HS6ST3: variants seen among roughly 807,000 people sequenced by gnomAD.
HS6ST3 encodes heparan sulfate 6-O-sulfotransferase 3.
Under a neutral mutation model 36.7 loss-of-function variants are expected in HS6ST3, and 12 were observed. The observed-to-expected ratio is 0.33, with a 90% CI of 0.21 to 0.53. The LOEUF is 0.53. HS6ST3 is among the 20% of genes least tolerant of loss of function. The pLI, the probability that HS6ST3 is intolerant of heterozygous loss-of-function variation, is 0.95. For synonymous variants in HS6ST3, 240 were observed against 257.5 expected (o/e 0.93, Z 0.65); for missense variants, 584 against 640.9 (o/e 0.91, Z 0.96).
chr13:96,790,624 A>G (rs1877764610), intron 1 of HS6ST3, among the ~76,000 whole-genome samples: 1 of 152,086 alleles, frequency 6.6e-6, no homozygotes, highest in African/African-American at 2.4e-5. Context: ...TCACACAAAT[A>G]TGATTTTCCA....
chr13:96,140,769 G>T (rs1291743471), intron 1 of HS6ST3, among the ~76,000 whole-genome samples: 1 of 152,052 alleles, frequency 6.6e-6, no homozygotes, highest in African/African-American at 2.4e-5. Context: ...GCTTTTATGT[G>T]GTGCAGGATT....
intron 1 of HS6ST3, among the ~76,000 whole-genome samples, chr13:96,152,333 T>TTGTTGTTG (rs1555388358): frequency 8.9e-5 from 7 of 78,456 alleles, no homozygotes; most frequent in South Asian, 1.1e-3. Context: ...TTTTTTTTTT[T>TTGTTGTTG]TTGTTGTTGT....
chr13:96,806,342 C>T (rs143508516), intron 1 of HS6ST3, among the ~76,000 whole-genome samples: 13 of 152,150 alleles, frequency 8.5e-5, no homozygotes, highest in African/African-American at 2.2e-4. Context: ...AAAGGGACAA[C>T]GGACCCAGCC....
intron 1 of HS6ST3, among the ~76,000 whole-genome samples, chr13:96,353,046 C>CT (rs1026366277): frequency 0.015 from 1,280 of 85,438 alleles, 91 homozygotes; most frequent in Middle Eastern, 0.022. Flanking sequence ...CTAGCGTATT[C>CT]TTTTTTTTTT....
At chr13:96,427,907 G>T (rs1336091767) in intron 1 of HS6ST3, among the ~76,000 whole-genome samples, 1 of 152,148 alleles carries the variant, frequency 6.6e-6, no homozygotes, top group Non-Finnish European at 1.5e-5. Context: ...CACAATTTGG[G>T]ATTATCTGAT....
At chr13:96,663,122 G>A (rs1036947335) in intron 1 of HS6ST3, among the ~76,000 whole-genome samples, 1 of 152,074 alleles carries the variant, frequency 6.6e-6, no homozygotes, top group South Asian at 2.1e-4. Context: ...CCCTGACAGG[G>A]GTGGCTGGGG....
At chr13:96,597,768 T>G (rs1460746150) in intron 1 of HS6ST3, among the ~76,000 whole-genome samples, 1 of 152,068 alleles carries the variant, frequency 6.6e-6, no homozygotes, top group Non-Finnish European at 1.5e-5. Flanking sequence ...CCAGAATATT[T>G]TTTCTTAAGT....
rs554065514 is a variant in HS6ST3, at chr13:96,290,189, G to A, written c.707+198620G>A. On this transcript the variant is annotated intron_variant, in intron 1 of 1. Coordinates refer to ENST00000376705, the MANE Select transcript of HS6ST3 (RefSeq NM_153456.4). Reference sequence around the variant, plus strand: ...TGCCAGTTCCCATGTTCCCCATTGCGACGTTTCATGTTAGTCTAGAAGTGG... The same window carrying A: ...TGCCAGTTCCCATGTTCCCCATTGCAACGTTTCATGTTAGTCTAGAAGTGG... Among the ~76,000 whole-genome samples, 4 of 152,144 alleles carry A rather than the reference G, an allele frequency of 2.6e-5. No individual in the cohort carries two copies. The South Asian group carries it at 8.3e-4, about 32-fold the overall frequency.
At chr13:96,383,852 G>T (rs2055354260) in intron 1 of HS6ST3, among the ~76,000 whole-genome samples, 2 of 152,198 alleles carry the variant, frequency 1.3e-5, no homozygotes, top group Non-Finnish European at 2.9e-5. Flanking sequence ...TCAGAGGTCA[G>T]GATGAGGCCC....
chr13:96,254,069 T>A (rs537338536), intron 1 of HS6ST3, among the ~76,000 whole-genome samples: 41 of 152,290 alleles, frequency 2.7e-4, no homozygotes, highest in African/African-American at 9.6e-4. Flanking sequence ...ATTTTCTGAA[T>A]GTGTATAGGT....
At chr13:96,342,259 A>G (rs116545917) in intron 1 of HS6ST3, among the ~76,000 whole-genome samples, 1,743 of 152,234 alleles carry the variant, frequency 0.011, 36 homozygotes, top group African/African-American at 0.04. Flanking sequence ...ACTCAATGTC[A>G]GTTTGTGTTT....
chr13:96,487,702 G>T (rs2055922350), intron 1 of HS6ST3, among the ~76,000 whole-genome samples: 1 of 152,018 alleles, frequency 6.6e-6, no homozygotes, highest in Non-Finnish European at 1.5e-5. Flanking sequence ...TATTTTACAG[G>T]TGTGATCAAT....
chr13:96,595,257 G>A (rs141960284), intron 1 of HS6ST3, among the ~76,000 whole-genome samples: 1 of 152,100 alleles, frequency 6.6e-6, no homozygotes, highest in African/African-American at 2.4e-5. Flanking sequence ...ATGTTGCCAA[G>A]GCTGGTCTCA....
chr13:96,528,621 T>A (rs925370140), intron 1 of HS6ST3, among the ~76,000 whole-genome samples: 1 of 152,202 alleles, frequency 6.6e-6, no homozygotes, highest in Admixed American at 6.5e-5. Flanking sequence ...TCATTTAAAG[T>A]TGACAATGTA....
chr13:96,314,325 C>G (rs927198928), intron 1 of HS6ST3, among the ~76,000 whole-genome samples: 5 of 152,196 alleles, frequency 3.3e-5, no homozygotes, highest in Non-Finnish European at 5.9e-5. Context: ...GACAAAGATA[C>G]TCACACACAT....
intron 1 of HS6ST3, among the ~76,000 whole-genome samples, chr13:96,144,462 A>C (rs1318681291): frequency 2.0e-5 from 3 of 152,086 alleles, no homozygotes; most frequent in East Asian, 1.9e-4. Context: ...CATCAGAATT[A>C]GGAGATAAAC....
At chr13:96,675,062 C>A (rs1348539866) in intron 1 of HS6ST3, among the ~76,000 whole-genome samples, 1 of 152,110 alleles carries the variant, frequency 6.6e-6, no homozygotes, top group Non-Finnish European at 1.5e-5. Context: ...TAAGTTCAGG[C>A]CTGCAAACCT....
In HS6ST3 at chr13:96,304,153, A is replaced by C. The variant is rs918819002; in HGVS notation, c.707+212584A>C. On this transcript the variant is annotated intron_variant, in intron 1 of 1. Transcript: ENST00000376705. ...GAGAGACTCCATCTCAAAAAAAAAAAAAATGTGATTTTTACCTTTCAAATA... is the reference window on the plus strand; with the variant it reads ...GAGAGACTCCATCTCAAAAAAAAAACAAATGTGATTTTTACCTTTCAAATA... Among the ~76,000 whole-genome samples, 175 of 151,934 alleles carry C rather than the reference A, an allele frequency of 1.2e-3. 4 individuals carry two copies. Among genetic ancestry groups the C allele is most frequent in the African/African-American group, 4.2e-3 (173 of 41,402 alleles).
Position 96,705,421 on chromosome 13 carries a change from A to C in HS6ST3, c.708-127069A>C, listed in dbSNP as rs1472083705. 2.0e-5 allele frequency among the ~76,000 whole-genome samples: 3 copies of C among 152,278 alleles called. No homozygotes were observed. In the East Asian group the frequency reaches 5.8e-4, roughly 29 times the overall value. ...TTTTTACTCAAATTCTCCAGGTGAT[A>C]ATATTCATGGGATACTGTGTATTTT... On this transcript the variant is annotated intron_variant, in intron 1 of 1. Transcript: ENST00000376705.
Sources: allele counts gnomAD v4.1 joint callset (sites outside exome capture counted in the v4.1 genomes callset), GRCh38; gene constraint gnomAD v4.1.1; transcripts MANE v1.5; gene names NCBI Gene and HGNC (gene_info 2026-07-23, HGNC 2026-07-21).